Variants in RPS9 observed in about 807,000 individuals in gnomAD.
RPS9 encodes ribosomal protein S9.
Under a neutral mutation model 16.9 loss-of-function variants are expected in RPS9, and 1 was observed. The observed-to-expected ratio is 0.06, with a 90% CI of 0.02 to 0.28. The LOEUF is 0.28. RPS9 is among the 10% of genes least tolerant of loss of function. RPS9 has a pLI of 1.00. For missense variants in RPS9, 137 were observed against 273.2 expected (o/e 0.50, Z 3.51); for synonymous variants, 106 against 110.9 (o/e 0.96, Z 0.28).
chr19:54,201,121 C>T (rs543044196), intron 1 of RPS9, 39 bp from the exon 2 acceptor site: 50 of 1,610,214 alleles, frequency 3.1e-5, no homozygotes, highest in Admixed American at 5.0e-5. Context: ...GCGCAGGCGC[C>T]GTTTGGATCC....
chr19:54,205,844 CCTCA>C (rs1484388366), intron 3 of RPS9, among the ~76,000 whole-genome samples: 1 of 152,116 alleles, frequency 6.6e-6, no homozygotes, highest in Non-Finnish European at 1.5e-5. Flanking sequence ...TGTGACAGGG[CCTCA>C]CTCTGTCGCC....
At position 54,201,804 on chromosome 19, in the gene RPS9, C is replaced by A. The variant is rs1379806725; in HGVS notation, c.220+195C>A. On this transcript the variant is annotated intron_variant, in intron 3 of 4. Coordinates refer to ENST00000302907, the MANE Select transcript of RPS9 (RefSeq NM_001013.4). ...TTTGCCCTGTTTCTTAGGTGTGTGG[C>A]TTTTTTGCCCAGTTATTGGACCTTC... is the stretch of plus-strand genomic sequence containing the variant. The A allele has an allele frequency of 3.2e-6, 4 of 1,255,100 alleles. No homozygotes were observed. The Admixed American group carries it at 1.2e-4, about 36-fold the overall frequency. The allele number at this position is 1,255,100 out of a possible 1,614,324, so 77.7% of individuals were successfully genotyped here. A position where few individuals can be genotyped will look rare whatever the true frequency, so the allele number is the denominator to read the frequency against.
chr19:54,206,223 C>G, intron 3 of RPS9, 53 bp from the exon 4 acceptor site: 1 of 1,572,916 alleles, frequency 6.4e-7, no homozygotes. Flanking sequence ...GATTTGAACC[C>G]AAGAAGCCTG....
chr19:54,207,623 A>T lies in RPS9; in HGVS notation c.*48A>T. 6.7e-7 allele frequency: 1 copy of T among 1,498,296 alleles called. No individual in the cohort carries two copies. The highest frequency in any genetic ancestry group is 1.4e-5 in the African/African-American group (1 of 72,090). The allele number at this position is 1,498,296 out of a possible 1,614,324, so 92.8% of individuals were successfully genotyped here. A position where few individuals can be genotyped will look rare whatever the true frequency, so the allele number is the denominator to read the frequency against. On this transcript the variant is annotated 3_prime_UTR_variant, in exon 5 of 5. Transcript: ENST00000302907. ...GCTGGATTGTCTCGTTTTCCTGCCAAATAAACAGGATCAGCGCTTTACAAT... is the reference window on the plus strand; with the variant it reads ...GCTGGATTGTCTCGTTTTCCTGCCATATAAACAGGATCAGCGCTTTACAAT...
chr19:54,201,134 T>TA (rs747978951), intron 1 of RPS9, 26 bp from the exon 2 acceptor site: 5 of 1,611,964 alleles, frequency 3.1e-6, no homozygotes, highest in East Asian at 2.2e-5. Flanking sequence ...TTGGATCCCT[T>TA]ACGCTCACAC....
intron 4 of RPS9, chr19:54,206,891 G>T: frequency 1.7e-6 from 1 of 596,652 alleles, no homozygotes. Context: ...CACCATTGAG[G>T]GGGAGGAGCT....
Position 54,207,505 on chromosome 19 carries a change from G to T in RPS9, c.515G>T (p.Arg172Leu). The T allele has an allele frequency of 1.2e-6, 2 of 1,613,116 alleles. No individual in the cohort carries two copies. The highest frequency in any genetic ancestry group is 8.5e-7 in the Non-Finnish European group (1 of 1,180,030). The part of the protein sequence containing the change: ...RSPYGGGRPG[R>L]VKRKNAKKGQ... Reference sequence around the variant, plus strand: ...CCCTACGGGGGTGGCCGCCCGGGCCGCGTGAAGAGGAAGAATGCCAAGAAG... The same window carrying T: ...CCCTACGGGGGTGGCCGCCCGGGCCTCGTGAAGAGGAAGAATGCCAAGAAG... Residue 172 changes from arginine (R) to leucine (L), a missense_variant, in exon 5 of 5, where the codon CGC becomes CTC. Around this residue, in one of 3 missense-constraint regions of RPS9, gnomAD observed 54 missense variants for 90.9 expected, o/e 0.59. Transcript: ENST00000302907.
Position 54,203,766 on chromosome 19 carries a change from C to T in RPS9, c.220+2157C>T, listed in dbSNP as rs561180012. On this transcript the variant is annotated intron_variant, in intron 3 of 4. Transcript: ENST00000302907. ...GGTGACAGCGAGACACAAAACAACA[C>T]GAACTCCCCCCCCACCCCCCAGCAC... Among the ~76,000 whole-genome samples the T allele has an allele frequency of 6.6e-4, 86 of 130,626 alleles. No homozygotes were observed. In the Middle Eastern group the frequency reaches 0.012, roughly 18 times the overall value. The allele number at this position is 130,626 out of a possible 152,430, so 85.7% of individuals were successfully genotyped here.
At chr19:54,206,694 G>C in intron 4 of RPS9, 1 of 1,520,232 alleles carries the variant, frequency 6.6e-7, no homozygotes, top group Non-Finnish European at 8.8e-7. Flanking sequence ...CCTTGTGAAG[G>C]CCTCTGCCAG....
At chr19:54,203,062 C>T (rs748092693) in intron 3 of RPS9, 17 of 985,124 alleles carry the variant, frequency 1.7e-5, no homozygotes, top group Non-Finnish European at 1.8e-5. Flanking sequence ...GGAGATCCCT[C>T]CCCCATAGAT....
intron 3 of RPS9, 154 bp downstream of exon 3, chr19:54,201,763 T>A: frequency 7.0e-7 from 1 of 1,436,850 alleles, no homozygotes; most frequent in Non-Finnish European, 9.2e-7. Context: ...GTAGGAAAAG[T>A]GTATCTGGAT....
At chr19:54,206,010 C>CT (rs748990094) in intron 3 of RPS9, among the ~76,000 whole-genome samples, 1 of 152,162 alleles carries the variant, frequency 6.6e-6, no homozygotes, top group African/African-American at 2.4e-5. Context: ...TGGAGACGGG[C>CT]TTTCGCCATG....
chr19:54,207,162 T>C (rs920038220), intron 4 of RPS9: 1 of 543,350 alleles, frequency 1.8e-6, no homozygotes, highest in African/African-American at 1.9e-5. Context: ...TGGGATACTT[T>C]CGGATTTCTC....
intron 3 of RPS9, chr19:54,201,884 ATATCTT>A (rs2077067398): frequency 1.9e-6 from 1 of 523,446 alleles, no homozygotes; most frequent in South Asian, 3.1e-5. Context: ...GCACCCGTCT[ATATCTT>A]TATATTCTGT....
intron 3 of RPS9, 47 bp from the exon 4 acceptor site, chr19:54,206,229 G>T: frequency 1.3e-6 from 2 of 1,585,982 alleles, no homozygotes; most frequent in East Asian, 2.2e-5. Context: ...AACCCAAGAA[G>T]CCTGAGGTCA....
At chr19:54,206,771 C>T in intron 4 of RPS9, 1 of 1,424,974 alleles carries the variant, frequency 7.0e-7, no homozygotes. Context: ...CCAGCCTCAC[C>T]TCGCTTGGGT....
chr19:54,204,774 A>T (rs1020414913), intron 3 of RPS9, among the ~76,000 whole-genome samples: 5 of 152,212 alleles, frequency 3.3e-5, no homozygotes, highest in African/African-American at 1.2e-4. Context: ...CAAAGAGGTA[A>T]ATGGTCCCAA....
Position 54,206,319 on chromosome 19 carries a change from T to C in RPS9, c.264T>C (p.Asp88=). Residue 88 remains aspartate (D), a synonymous_variant, in exon 4 of 5, where the codon GAT becomes GAC. Coordinates refer to ENST00000302907, the MANE Select transcript of RPS9 (RefSeq NM_001013.4). ...LRRLVRIGVL[D]EGKMKLDYIL... is the part of the protein sequence containing the mutation. The stretch of plus-strand genomic sequence containing the variant: ...GGCTGGTCCGCATTGGGGTGCTGGA[T>C]GAGGGCAAGATGAAGCTGGATTACA... 1 of 1,614,112 alleles carries C rather than the reference T, an allele frequency of 6.2e-7. No homozygotes were observed. The highest frequency in any genetic ancestry group is 8.5e-7 in the Non-Finnish European group (1 of 1,180,024).
chr19:54,206,778 G>A, intron 4 of RPS9: 1 of 1,416,212 alleles, frequency 7.1e-7, no homozygotes, highest in Non-Finnish European at 9.3e-7. Context: ...CACCTCGCTT[G>A]GGTGGTGGGT....
Sources: allele counts gnomAD v4.1 joint callset (sites outside exome capture counted in the v4.1 genomes callset), GRCh38; gene constraint gnomAD v4.1.1; regional missense constraint gnomAD v4.1.1; transcripts MANE v1.5; gene names NCBI Gene and HGNC (gene_info 2026-07-23, HGNC 2026-07-21).